The following RNF13 variants were observed in gnomAD, a reference collection of about 807,000 sequenced individuals.
The protein encoded by RNF13 is ring finger protein 13, also known as E3 ubiquitin-protein ligase RNF13.
A neutral mutation model predicts 37.7 loss-of-function variants in RNF13; 19 were observed. The ratio of observed to expected loss-of-function variants is 0.50; its 90% confidence interval spans 0.35 to 0.74. RNF13 has a LOEUF of 0.74. RNF13 is among the 30% of genes least tolerant of loss of function. The pLI is 0.01. For missense variants in RNF13, 375 were observed against 453.0 expected (o/e 0.83, Z 1.56); for synonymous variants, 144 against 157.8 (o/e 0.91, Z 0.65).
At chr3:149,831,780 A>G (rs551935430) in intron 1 of RNF13, among the ~76,000 whole-genome samples, 8 of 152,236 alleles carry the variant, frequency 5.3e-5, no homozygotes, top group African/African-American at 1.9e-4. Context: ...ATGAAAATGG[A>G]CTAATACAGT....
rs563893696 is a variant in RNF13 at position 149,893,941 on chromosome 3, A to C, written c.322-1532A>C. 3.3e-5 allele frequency: 5 copies of C among 152,328 alleles called. No homozygotes were observed. In the South Asian group the frequency reaches 6.2e-4, roughly 19 times the overall value. The allele number at this position is 152,328 out of a possible 1,614,324, so 9.4% of individuals were successfully genotyped here. ...ACAAACAATTTATATTATTTTAATTAGTTTTTTAAAAAATCACTTTCTGCC... is the reference window on the plus strand; with the variant it reads ...ACAAACAATTTATATTATTTTAATTCGTTTTTTAAAAAATCACTTTCTGCC... On this transcript the variant is annotated intron_variant, in intron 4 of 9. Coordinates refer to ENST00000392894, the MANE Select transcript of RNF13 (RefSeq NM_183381.3).
rs142837553 is a variant in RNF13 at position 149,890,401 on chromosome 3, C to G, written c.322-5072C>G. 1.4e-4 allele frequency among the ~76,000 whole-genome samples: 21 copies of G among 152,166 alleles called. No homozygotes were observed. In the East Asian group the frequency reaches 4.1e-3, roughly 29 times the overall value. ...GCACAGTCTGTCCTTTTTTTTCTCT[C>G]TCTTCTCACTTCTGACTGTCCAACA... On this transcript the variant is annotated intron_variant, in intron 4 of 9. Coordinates refer to ENST00000392894, the MANE Select transcript of RNF13 (RefSeq NM_183381.3).
intron 7 of RNF13, 38 bp downstream of exon 7, chr3:149,912,121 T>C (rs746542926): frequency 8.2e-6 from 8 of 979,824 alleles, no homozygotes; most frequent in Non-Finnish European, 8.1e-6. Flanking sequence ...TAAAAAATAG[T>C]ATGGATGAAT....
At chr3:149,880,505 A>G (rs1476378612) in intron 4 of RNF13, among the ~76,000 whole-genome samples, 1 of 152,208 alleles carries the variant, frequency 6.6e-6, no homozygotes, top group East Asian at 1.9e-4. Flanking sequence ...ATTACAAAGT[A>G]AAGATTTTTT....
chr3:149,817,265 T>C (rs1267205566), intron 1 of RNF13: 2 of 152,200 alleles, frequency 1.3e-5, no homozygotes, highest in African/African-American at 2.4e-5. Context: ...TCAATGAAGA[T>C]GCACCCATTA....
intron 3 of RNF13, among the ~76,000 whole-genome samples, chr3:149,859,510 G>A (rs1442384793): frequency 1.3e-5 from 2 of 151,894 alleles, no homozygotes; most frequent in African/African-American, 4.9e-5. Flanking sequence ...CACACACACA[G>A]AGGAAGTCAA....
intron 1 of RNF13, among the ~76,000 whole-genome samples, chr3:149,831,410 A>T (rs777068530): frequency 1.3e-5 from 2 of 152,222 alleles, no homozygotes; most frequent in African/African-American, 2.4e-5. Context: ...GATATGAGAC[A>T]TGGAGTCAAA....
At chr3:149,950,642 T>C (rs1721231966) in intron 8 of RNF13, among the ~76,000 whole-genome samples, 1 of 137,958 alleles carries the variant, frequency 7.2e-6, no homozygotes, top group South Asian at 2.2e-4. Flanking sequence ...GCCCAGCTAA[T>C]TTTTTTTTTT....
In RNF13 at chr3:149,940,958, T is replaced by G. The variant is rs570854359; in HGVS notation, c.701-19098T>G. 2.0e-5 allele frequency among the ~76,000 whole-genome samples: 3 copies of G among 152,350 alleles called. No homozygotes were observed. In the South Asian group the frequency reaches 6.2e-4, roughly 32 times the overall value. On this transcript the variant is annotated intron_variant, in intron 8 of 9. Coordinates refer to ENST00000392894, the MANE Select transcript of RNF13 (RefSeq NM_183381.3). ...TGGACTGATACAGTATTTGTCCTTTTGCAACTGGCATATTTTGCTTAGCAT... is the reference window on the plus strand; with the variant it reads ...TGGACTGATACAGTATTTGTCCTTTGGCAACTGGCATATTTTGCTTAGCAT...
chr3:149,852,718 C>A, intron 3 of RNF13, 122 bp downstream of exon 3: 1 of 448,132 alleles, frequency 2.2e-6, no homozygotes, highest in African/African-American at 2.0e-5. Context: ...TATATATAGT[C>A]ATTTGTAAAG....
chr3:149,907,640 G>A (rs554906868), intron 6 of RNF13, among the ~76,000 whole-genome samples: 22 of 152,230 alleles, frequency 1.4e-4, no homozygotes, highest in African/African-American at 4.3e-4. Context: ...TCTCTGGGCC[G>A]TAGCCTCTCT....
intron 4 of RNF13, among the ~76,000 whole-genome samples, chr3:149,877,472 C>CTTTTTTTTTTTTTTTTTTTTTT (rs369676407): frequency 5.9e-5 from 6 of 101,458 alleles, no homozygotes; most frequent in Non-Finnish European, 8.2e-5. Flanking sequence ...TTCTTTCTGT[C>CTTTTTTTTTTTTTTTTTTTTTT]TTTTTTTTTT....
At chr3:149,834,721 C>T (rs1056713223) in intron 1 of RNF13, among the ~76,000 whole-genome samples, 3 of 152,216 alleles carry the variant, frequency 2.0e-5, no homozygotes, top group African/African-American at 7.2e-5. Flanking sequence ...GTGATGGGCT[C>T]CCTTTTGCCT....
chr3:149,848,916 C>T (rs933401692), intron 2 of RNF13, among the ~76,000 whole-genome samples: 3 of 152,082 alleles, frequency 2.0e-5, no homozygotes, highest in African/African-American at 4.8e-5. Flanking sequence ...GAAGGCAGGA[C>T]TGTGTCTTAC....
At chr3:149,855,421 G>C (rs1228186062) in intron 3 of RNF13, among the ~76,000 whole-genome samples, 1 of 151,444 alleles carries the variant, frequency 6.6e-6, no homozygotes. Flanking sequence ...GTATGTTCCT[G>C]TTAAGCACTG....
chr3:149,813,267 A>AT lies in RNF13; in HGVS notation c.-102dup, dbSNP rs1243634900. The AT allele has an allele frequency of 6.6e-6, 1 of 152,224 alleles. No individual in the cohort carries two copies. The highest frequency in any genetic ancestry group is 2.4e-5 in the African/African-American group (1 of 41,428). The allele number at this position is 152,224 out of a possible 1,614,324, so 9.4% of individuals were successfully genotyped here. A position where few individuals can be genotyped will look rare whatever the true frequency, so the allele number is the denominator to read the frequency against. ...CTCCGGGCTGTGGGGGTCGGTGCGG[A>AT]TATTCAGTCATGAAATCAGGGTAGG... On this transcript the variant is annotated 5_prime_UTR_variant, in exon 1 of 10. Coordinates refer to ENST00000392894, the MANE Select transcript of RNF13 (RefSeq NM_183381.3).
chr3:149,823,375 C>T (rs1247951235), intron 1 of RNF13, among the ~76,000 whole-genome samples: 1 of 151,976 alleles, frequency 6.6e-6, no homozygotes, highest in South Asian at 2.1e-4. Flanking sequence ...ATAATTTCAC[C>T]TAACACCAAC....
chr3:149,919,447 T>A (rs976344316), intron 7 of RNF13, among the ~76,000 whole-genome samples: 1 of 152,194 alleles, frequency 6.6e-6, no homozygotes, highest in Non-Finnish European at 1.5e-5. Flanking sequence ...CTGATTTTAG[T>A]CACTATAGAT....
intron 1 of RNF13, among the ~76,000 whole-genome samples, chr3:149,822,118 C>T (rs1284187954): frequency 6.6e-6 from 1 of 152,000 alleles, no homozygotes; most frequent in Admixed American, 6.6e-5. Context: ...AATTGTTTGG[C>T]CTGTTTAGGG....
Sources: allele counts gnomAD v4.1 joint callset (sites outside exome capture counted in the v4.1 genomes callset), GRCh38; gene constraint gnomAD v4.1.1; transcripts MANE v1.5; gene names NCBI Gene and HGNC (gene_info 2026-07-23, HGNC 2026-07-21).